GRIA1: variants seen among roughly 807,000 people sequenced by gnomAD.
GRIA1 encodes glutamate receptor 1.
GRIA1 carries 31 observed loss-of-function variants against 99.2 expected under a neutral mutation model. That is an observed-to-expected ratio of 0.31 (90% CI 0.23 to 0.42). GRIA1 has a LOEUF of 0.42. Among genes scored for constraint, GRIA1 ranks in the 10% least tolerant of loss-of-function variants. GRIA1 has a pLI of 1.00. For synonymous variants in GRIA1, 438 were observed against 432.4 expected (o/e 1.01, Z -0.16); for missense variants, 782 against 1,157.5 (o/e 0.68, Z 4.71).
chr5:153,744,008 T>G (rs1218486209), intron 11 of GRIA1, among the ~76,000 whole-genome samples: 2 of 152,124 alleles, frequency 1.3e-5, no homozygotes, highest in Non-Finnish European at 2.9e-5. Context: ...CTGCTTCTCC[T>G]CTTTGAGAAC....
chr5:153,809,963 C>A (rs1047524209), intron 15 of GRIA1, among the ~76,000 whole-genome samples: 4 of 152,168 alleles, frequency 2.6e-5, no homozygotes, highest in Middle Eastern at 6.8e-3. Flanking sequence ...CCAAACCCCA[C>A]CTCAAAAATT....
At chr5:153,808,390 C>A (rs896834889) in intron 15 of GRIA1, among the ~76,000 whole-genome samples, 2 of 150,338 alleles carry the variant, frequency 1.3e-5, no homozygotes, top group Non-Finnish European at 3.0e-5. Context: ...CGACGGGGGG[C>A]GGGGAGTGGG....
At chr5:153,808,968 T>A (rs902024336) in intron 15 of GRIA1, among the ~76,000 whole-genome samples, 7 of 152,354 alleles carry the variant, frequency 4.6e-5, no homozygotes, top group Middle Eastern at 3.4e-3. Context: ...ATCTTGTCCT[T>A]TAAGACAAAT....
chr5:153,577,082 G>GATGGA (rs1762619929), intron 2 of GRIA1, among the ~76,000 whole-genome samples: 2 of 63,592 alleles, frequency 3.1e-5, no homozygotes, highest in South Asian at 7.3e-4. Context: ...GGATGGATGA[G>GATGGA]TGGATGAATG....
chr5:153,808,398 G>A (rs995168226), intron 15 of GRIA1, among the ~76,000 whole-genome samples: 1 of 151,744 alleles, frequency 6.6e-6, no homozygotes, highest in Non-Finnish European at 1.5e-5. Flanking sequence ...GGCGGGGAGT[G>A]GGGGGGAGTA....
chr5:153,759,007 G>A (rs1451188132), intron 11 of GRIA1, among the ~76,000 whole-genome samples: 3 of 151,766 alleles, frequency 2.0e-5, no homozygotes, highest in Non-Finnish European at 2.9e-5. Flanking sequence ...AATCAATGAG[G>A]ACATTTTTTA....
intron 2 of GRIA1, among the ~76,000 whole-genome samples, chr5:153,546,898 A>G (rs1039878595): frequency 6.6e-6 from 1 of 152,232 alleles, no homozygotes; most frequent in Non-Finnish European, 1.5e-5. Context: ...GACAGACCAG[A>G]ATGTAATCTC....
At chr5:153,530,439 G>A (rs904239014) in intron 2 of GRIA1, among the ~76,000 whole-genome samples, 1 of 152,166 alleles carries the variant, frequency 6.6e-6, no homozygotes, top group African/African-American at 2.4e-5. Context: ...CTCCATCTTG[G>A]TTTCTTGCCC....
intron 2 of GRIA1, among the ~76,000 whole-genome samples, chr5:153,565,767 C>T (rs1276571124): frequency 6.6e-6 from 1 of 151,784 alleles, no homozygotes; most frequent in Admixed American, 6.6e-5. Context: ...CATGTCTTAG[C>T]ATGTATCAGT....
chr5:153,727,995 A>T (rs1581551169), intron 11 of GRIA1, among the ~76,000 whole-genome samples: 1 of 151,596 alleles, frequency 6.6e-6, no homozygotes, highest in East Asian at 1.9e-4. Context: ...CTACAAGGCT[A>T]CAGTAACCAA....
intron 2 of GRIA1, among the ~76,000 whole-genome samples, chr5:153,535,161 A>C (rs1188148836): frequency 6.6e-6 from 1 of 152,086 alleles, no homozygotes; most frequent in African/African-American, 2.4e-5. Context: ...ACCTCAAGCG[A>C]TCTGCCCGTC....
At chr5:153,647,908 T>A (rs182412234) in intron 3 of GRIA1, among the ~76,000 whole-genome samples, 1 of 152,348 alleles carries the variant, frequency 6.6e-6, no homozygotes, top group East Asian at 1.9e-4. Flanking sequence ...TTTTGCAGGA[T>A]GTCCCTATTC....
intron 2 of GRIA1, among the ~76,000 whole-genome samples, chr5:153,591,033 T>C (rs1052141543): frequency 1.3e-5 from 2 of 152,204 alleles, no homozygotes; most frequent in African/African-American, 2.4e-5. Flanking sequence ...TTTAGTTCCT[T>C]CTTGACCCAG....
intron 2 of GRIA1, among the ~76,000 whole-genome samples, chr5:153,544,900 A>C (rs762783721): frequency 5.9e-5 from 9 of 152,226 alleles, no homozygotes; most frequent in Non-Finnish European, 1.3e-4. Flanking sequence ...AATTTGTGGA[A>C]AGCAGTGCCA....
At chr5:153,522,806 T>C (rs1016553433) in intron 2 of GRIA1, among the ~76,000 whole-genome samples, 8 of 152,174 alleles carry the variant, frequency 5.3e-5, no homozygotes, top group African/African-American at 1.9e-4. Flanking sequence ...AATCTTACCA[T>C]GTAACTGCAA....
At chr5:153,514,582 G>A (rs1368113988) in intron 2 of GRIA1, among the ~76,000 whole-genome samples, 1 of 152,084 alleles carries the variant, frequency 6.6e-6, no homozygotes, top group East Asian at 1.9e-4. Context: ...ATGCTGTTTT[G>A]ATTAGTATAG....
chr5:153,801,865 T>C (rs189586188), intron 14 of GRIA1, among the ~76,000 whole-genome samples: 156 of 148,008 alleles, frequency 1.1e-3, no homozygotes, highest in African/African-American at 3.6e-3. Context: ...GGAAAGTTCA[T>C]TGTAAGTACC....
intron 2 of GRIA1, among the ~76,000 whole-genome samples, chr5:153,521,579 G>A (rs547889862): frequency 2.6e-5 from 4 of 152,284 alleles, no homozygotes; most frequent in East Asian, 1.9e-4. Context: ...AACCATCCTC[G>A]GTGGTGAGCT....
chr5:153,656,554 A>G (rs73278137), intron 5 of GRIA1, among the ~76,000 whole-genome samples: 4,587 of 151,712 alleles, frequency 0.03, 227 homozygotes, highest in African/African-American at 0.1. Context: ...TTTTGTAACC[A>G]TTATTTCTGT....
Sources: gnomAD v4.1 joint callset for allele counts (sites outside exome capture counted in the v4.1 genomes callset) on GRCh38, gnomAD v4.1.1 for gene constraint, MANE v1.5 for transcripts, NCBI Gene and HGNC (gene_info 2026-07-23, HGNC 2026-07-21) for gene names.